THEMIS: variants seen among roughly 807,000 people sequenced by gnomAD.
THEMIS encodes protein THEMIS.
In THEMIS, 37 loss-of-function variants were observed where a neutral mutation model predicts 52.6. The ratio of observed to expected loss-of-function variants is 0.70; its 90% CI spans 0.54 to 0.93. The LOEUF is 0.93. THEMIS is among the 40% of genes least tolerant of loss of function. The probability of loss-of-function intolerance (pLI) is 0.00; values close to 1 mark genes in which losing one functional copy is unlikely to be tolerated. For synonymous variants in THEMIS, 292 were observed against 272.7 expected (o/e 1.07, Z -0.70); for missense variants, 808 against 763.1 (o/e 1.06, Z -0.69).
At chr6:127,916,242 A>G (rs1448175278) in intron 1 of THEMIS, among the ~76,000 whole-genome samples, 2 of 151,812 alleles carry the variant, frequency 1.3e-5, no homozygotes, top group Admixed American at 1.3e-4. Context: ...AAATAATTAT[A>G]TAGATATGTA....
chr6:127,879,713 G>T (rs1241678593), intron 1 of THEMIS, among the ~76,000 whole-genome samples: 2 of 151,472 alleles, frequency 1.3e-5, no homozygotes, highest in Admixed American at 1.3e-4. Context: ...TGTAGAAAAA[G>T]AAAGAAAAAA....
Position 127,709,309 on chromosome 6 carries a change from A to C in THEMIS, c.*676T>G, listed in dbSNP as rs909270524. ...TAGAATATTAAGACATCGTCTCAGA[A>C]ATCTGGTGAAATTTCAGTCATGAGC... On this transcript the variant is annotated 3_prime_UTR_variant, in exon 6 of 6. Coordinates refer to ENST00000368248, the MANE Select transcript of THEMIS (RefSeq NM_001010923.3). 1.3e-5 allele frequency: 2 copies of C among 152,046 alleles called. No homozygotes were observed. Among genetic ancestry groups the C allele is most frequent in the African/African-American group, 4.8e-5 (2 of 41,422 alleles). The allele number at this position is 152,046 out of a possible 1,614,324, so 9.4% of individuals were successfully genotyped here. A position where few individuals can be genotyped will look rare whatever the true frequency, so the allele number is the denominator to read the frequency against.
chr6:127,766,172 AATC>A (rs1214855748), intron 4 of THEMIS, among the ~76,000 whole-genome samples: 7 of 152,108 alleles, frequency 4.6e-5, no homozygotes, highest in African/African-American at 9.7e-5. Flanking sequence ...ACAAACTCTG[AATC>A]ATCATCAGTC....
At chr6:127,761,524 G>A (rs963346089) in intron 4 of THEMIS, among the ~76,000 whole-genome samples, 3 of 152,090 alleles carry the variant, frequency 2.0e-5, no homozygotes, top group African/African-American at 7.2e-5. Flanking sequence ...ACCCAGGGGT[G>A]GAGATTTAAA....
intron 1 of THEMIS, among the ~76,000 whole-genome samples, chr6:127,908,042 A>G (rs901718145): frequency 3.9e-5 from 6 of 152,290 alleles, no homozygotes; most frequent in Admixed American, 2.6e-4. Flanking sequence ...GCAACCGCCT[A>G]TGAATGTGTT....
At position 127,855,056 on chromosome 6, in the gene THEMIS, G is replaced by T. The variant is rs753325089; in HGVS notation, c.224C>A (p.Pro75Gln). Residue 75 changes from proline (P) to glutamine (Q), a missense_variant, in exon 2 of 6, where the codon CCA becomes CAA. Pro to Gln is a moderately conservative substitution (Grantham distance 76). Coordinates refer to ENST00000368248, the MANE Select transcript of THEMIS (RefSeq NM_001010923.3). ...TGGAAAATTCATAGGCAGTTCAAATGGCTGTAGAGACTCACAACCTTCAAT... is the reference window on the plus strand; with the variant it reads ...TGGAAAATTCATAGGCAGTTCAAATTGCTGTAGAGACTCACAACCTTCAAT... ...EQIEGCESLQ[P>Q]FELPMNFPGL... The T allele has an allele frequency of 6.2e-7, 1 of 1,608,842 alleles. No homozygotes were observed. The highest frequency in any genetic ancestry group is 1.3e-5 in the African/African-American group (1 of 74,664).
chr6:127,853,468 G>T (rs1355624546), intron 2 of THEMIS, among the ~76,000 whole-genome samples: 1 of 151,606 alleles, frequency 6.6e-6, no homozygotes, highest in Non-Finnish European at 1.5e-5. Flanking sequence ...TGATTCTAAT[G>T]TGCAGCCAAA....
In THEMIS at chr6:127,768,788, G is replaced by T. The variant is rs145506917; in HGVS notation, c.1758+44095C>A. ...TCATGCTTTGTGCAGTTACCTCGATGTAGCTGGATGATGTATGCAAAAGTA... is the reference window on the plus strand; with the variant it reads ...TCATGCTTTGTGCAGTTACCTCGATTTAGCTGGATGATGTATGCAAAAGTA... On this transcript the variant is annotated intron_variant, in intron 4 of 5. Coordinates refer to ENST00000368248, the MANE Select transcript of THEMIS (RefSeq NM_001010923.3). Among the ~76,000 whole-genome samples, 843 of 152,296 alleles carry T rather than the reference G, an allele frequency of 5.5e-3. 8 individuals are homozygous for T. Among genetic ancestry groups the T allele is most frequent in the African/African-American group, 0.019 (807 of 41,556 alleles).
At chr6:127,917,694 G>A (rs1243312669) in intron 1 of THEMIS, among the ~76,000 whole-genome samples, 4 of 152,182 alleles carry the variant, frequency 2.6e-5, no homozygotes, top group East Asian at 1.9e-4. Context: ...GTTGAAGAGA[G>A]ACCAACACCT....
intron 4 of THEMIS, among the ~76,000 whole-genome samples, chr6:127,752,245 C>T (rs946082880): frequency 4.0e-5 from 6 of 150,522 alleles, no homozygotes; most frequent in South Asian, 4.2e-4. Context: ...ATTTACACCT[C>T]GAGGAACTAG....
intron 4 of THEMIS, among the ~76,000 whole-genome samples, chr6:127,786,505 T>C (rs1263196797): frequency 2.6e-5 from 4 of 152,212 alleles, no homozygotes; most frequent in Non-Finnish European, 5.9e-5. Flanking sequence ...ATACTGATAC[T>C]GACAGCCAGT....
intron 1 of THEMIS, among the ~76,000 whole-genome samples, chr6:127,889,471 C>T (rs1172043186): frequency 1.3e-5 from 2 of 152,090 alleles, no homozygotes; most frequent in Non-Finnish European, 2.9e-5. Flanking sequence ...GAGAGGGACT[C>T]ATAACATCAA....
intron 1 of THEMIS, among the ~76,000 whole-genome samples, chr6:127,915,919 A>T (rs1037267000): frequency 6.6e-6 from 1 of 152,154 alleles, no homozygotes; most frequent in African/African-American, 2.4e-5. Flanking sequence ...CTCAGGAGGC[A>T]GAGGTTGCAG....
chr6:127,745,560 A>G (rs59472560), intron 4 of THEMIS, among the ~76,000 whole-genome samples: 2,636 of 151,964 alleles, frequency 0.017, 81 homozygotes, highest in African/African-American at 0.061. Flanking sequence ...ATATATTGGT[A>G]TTATGCCCTG....
At chr6:127,717,317 G>A (rs907898216) in intron 5 of THEMIS, among the ~76,000 whole-genome samples, 3 of 151,890 alleles carry the variant, frequency 2.0e-5, no homozygotes, top group Admixed American at 6.6e-5. Context: ...GAGCCAAAAT[G>A]TAAACCCAGA....
At chr6:127,701,021 C>T in the THEMIS span, among the ~76,000 whole-genome samples, 1 of 152,038 alleles carries the variant, frequency 6.6e-6, no homozygotes, top group African/African-American at 2.4e-5. Flanking sequence ...CTTTATTACA[C>T]AAAGGCAGTG....
At chr6:127,727,911 C>G (rs1468072212) in intron 4 of THEMIS, among the ~76,000 whole-genome samples, 1 of 152,134 alleles carries the variant, frequency 6.6e-6, no homozygotes, top group African/African-American at 2.4e-5. Flanking sequence ...CTGACCTCCT[C>G]TAATTCACAA....
At chr6:127,780,809 C>G (rs1776718632) in intron 4 of THEMIS, among the ~76,000 whole-genome samples, 1 of 152,182 alleles carries the variant, frequency 6.6e-6, no homozygotes, top group Non-Finnish European at 1.5e-5. Flanking sequence ...CCCAACCTTT[C>G]TGGTTGCTCT....
intron 4 of THEMIS, among the ~76,000 whole-genome samples, chr6:127,759,679 C>T (rs544876134): frequency 6.6e-6 from 1 of 152,260 alleles, no homozygotes; most frequent in Non-Finnish European, 1.5e-5. Context: ...ACATCTATCG[C>T]TACATCCCTA....
Sources: allele counts gnomAD v4.1 joint callset (sites outside exome capture counted in the v4.1 genomes callset), GRCh38; gene constraint gnomAD v4.1.1; transcripts MANE v1.5; gene names NCBI Gene and HGNC (gene_info 2026-07-23, HGNC 2026-07-21).